The following DOCK9 variants were observed in gnomAD, a reference collection of about 807,000 sequenced individuals.
The protein encoded by DOCK9 is dedicator of cytokinesis 9, also known as dedicator of cytokinesis protein 9.
A neutral mutation model predicts 263.3 loss-of-function variants in DOCK9; 89 were observed. The ratio of observed to expected loss-of-function variants is 0.34; its 90% CI spans 0.28 to 0.40. The LOEUF is 0.40. Ranked by LOEUF, DOCK9 falls within the 10% of genes least tolerant of loss-of-function variation. DOCK9 has a pLI of 1.00. For synonymous variants in DOCK9, 976 were observed against 973.1 expected (o/e 1.00, Z -0.06); for missense variants, 2,140 against 2,603.4 (o/e 0.82, Z 3.87).
At position 98,848,606 on chromosome 13, in the gene DOCK9, C is replaced by T. The variant is rs571258067; in HGVS notation, c.4047G>A (p.Lys1349=). ...VCLHQFQYMG[K]RYIARNQEGL... ...CCCCACAGTACCTGGCTATGTATCG[C>T]TTCCCCATGTACTGGAACTGGTGCA... The change falls in exon 37 of 53, where the codon AAG becomes AAA. Residue 1349 remains lysine, a synonymous_variant. Transcript: ENST00000682017. The T allele has an allele frequency of 3.1e-6, 5 of 1,612,424 alleles. No individual in the cohort carries two copies. The South Asian group carries it at 3.3e-5, about 11-fold the overall frequency.
chr13:98,856,487 G>C (rs2093709459), intron 33 of DOCK9: 1 of 153,556 alleles, frequency 6.5e-6, no homozygotes, highest in African/African-American at 2.4e-5. Context: ...AGTGATATGT[G>C]ACCTCAGCCA....
intron 35 of DOCK9, among the ~76,000 whole-genome samples, chr13:98,851,213 A>C (rs989491903): frequency 4.6e-5 from 7 of 152,254 alleles, no homozygotes; most frequent in Non-Finnish European, 1.0e-4. Flanking sequence ...TCAGAGAAGT[A>C]AAGTAATTCT....
chr13:98,987,291 A>G (rs1445723278), intron 1 of DOCK9, among the ~76,000 whole-genome samples: 3 of 152,206 alleles, frequency 2.0e-5, no homozygotes, highest in African/African-American at 7.2e-5. Flanking sequence ...GTCAACATAA[A>G]ATTTTAAAAA....
rs139518169 is a variant in DOCK9 at position 98,958,312 on chromosome 13, A to T, written c.127-2761T>A. ...GCTCCCTGCCCACCAGCTCCAGCCCACGGCACCTCAGCAAACTTGGCCACC... is the reference window on the plus strand; with the variant it reads ...GCTCCCTGCCCACCAGCTCCAGCCCTCGGCACCTCAGCAAACTTGGCCACC... On this transcript the variant is annotated intron_variant, in intron 1 of 52. Transcript: ENST00000682017. Among the ~76,000 whole-genome samples, 904 of 152,286 alleles carry T rather than the reference A, an allele frequency of 5.9e-3. 11 individuals are homozygous for T. Among genetic ancestry groups the T allele is most frequent in the African/African-American group, 0.021 (861 of 41,566 alleles).
chr13:98,896,575 C>T (rs1595086553), intron 15 of DOCK9, among the ~76,000 whole-genome samples: 1 of 152,136 alleles, frequency 6.6e-6, no homozygotes, highest in African/African-American at 2.4e-5. Flanking sequence ...CATCTTCTAG[C>T]GCCCTCAGCT....
At chr13:98,845,827 A>C (rs756030526) in intron 38 of DOCK9, 97 bp downstream of exon 38, 1 of 1,489,318 alleles carries the variant, frequency 6.7e-7, no homozygotes, top group Non-Finnish European at 9.1e-7. Context: ...TAGAAGAAAA[A>C]TTGAGTTGGT....
At chr13:98,886,737 C>T (rs1322948124) in intron 18 of DOCK9, 113 bp from the exon 19 acceptor site, 1 of 949,840 alleles carries the variant, frequency 1.1e-6, no homozygotes, top group Non-Finnish European at 1.6e-6. Context: ...GCATCGCCAC[C>T]TCTGATGGGC....
chr13:98,915,053 C>A (rs1388438321), intron 8 of DOCK9, among the ~76,000 whole-genome samples: 1 of 152,166 alleles, frequency 6.6e-6, no homozygotes, highest in African/African-American at 2.4e-5. Context: ...CAGGGCTACA[C>A]AGCTGAAATA....
chr13:99,014,584 C>T (rs981434517), intron 1 of DOCK9, among the ~76,000 whole-genome samples: 3 of 152,196 alleles, frequency 2.0e-5, no homozygotes, highest in African/African-American at 4.8e-5. Flanking sequence ...AGATGGTAGC[C>T]TCACCAGCCG....
chr13:99,017,048 G>A (rs149863471), intron 1 of DOCK9, among the ~76,000 whole-genome samples: 291 of 152,272 alleles, frequency 1.9e-3, no homozygotes, highest in African/African-American at 6.4e-3. Context: ...TCTCTCTCCT[G>A]TATTTTTATG....
At chr13:98,997,581 C>A (rs559500491) in intron 1 of DOCK9, among the ~76,000 whole-genome samples, 3 of 152,382 alleles carry the variant, frequency 2.0e-5, no homozygotes, top group Admixed American at 6.5e-5. Context: ...ACCACCCACT[C>A]TTTTGATATC....
chr13:98,886,485 C>A, intron 19 of DOCK9, 47 bp downstream of exon 19: 2 of 1,548,462 alleles, frequency 1.3e-6, no homozygotes, highest in South Asian at 1.1e-5. Flanking sequence ...ATTAAAGTTT[C>A]CCTTAAAACT....
At chr13:98,908,928 C>T (rs1021129706) in intron 9 of DOCK9, among the ~76,000 whole-genome samples, 1 of 152,168 alleles carries the variant, frequency 6.6e-6, no homozygotes, top group Non-Finnish European at 1.5e-5. Context: ...GAAAATACAG[C>T]TATAACAAAT....
At chr13:99,039,684 G>C (rs893798267) in intron 1 of DOCK9, among the ~76,000 whole-genome samples, 6 of 152,198 alleles carry the variant, frequency 3.9e-5, no homozygotes, top group Non-Finnish European at 8.8e-5. Context: ...AAGAGGTGAA[G>C]AGGAGCCCAT....
intron 7 of DOCK9, among the ~76,000 whole-genome samples, chr13:98,917,644 C>CTT (rs1334840163): frequency 1.7e-4 from 20 of 117,478 alleles, no homozygotes; most frequent in Non-Finnish European, 2.2e-4. Flanking sequence ...CTTTTTTTTT[C>CTT]TTTTTTTTTT....
rs978799564 is a variant in DOCK9, at chr13:99,017,881, C to CA, written c.130-62331dup. On this transcript the variant is annotated intron_variant, in intron 1 of 32. Coordinates refer to the DOCK9 transcript ENST00000427887. ...AAGCTTGGTCTAAATGGTCTCACCA[C>CA]AAAAAAATAAAGAAAAAAGGTAACT... Among the ~76,000 whole-genome samples the CA allele has an allele frequency of 4.3e-4, 66 of 151,944 alleles. 1 individual carries two copies. The highest frequency in any genetic ancestry group is 1.5e-3 in the African/African-American group (62 of 41,454).
At chr13:98,987,473 T>C (rs531815083) in intron 1 of DOCK9, among the ~76,000 whole-genome samples, 1 of 152,350 alleles carries the variant, frequency 6.6e-6, no homozygotes, top group East Asian at 1.9e-4. Context: ...AGCTAGGTCT[T>C]AAGCCCTTCT....
At chr13:98,929,948 A>G (rs1332939793) in intron 3 of DOCK9, among the ~76,000 whole-genome samples, 1 of 152,270 alleles carries the variant, frequency 6.6e-6, no homozygotes, top group East Asian at 1.9e-4. Context: ...AAATAAATAA[A>G]GTTTTAAAAA....
At chr13:98,880,045 A>G (rs2044489263) in intron 26 of DOCK9, 76 bp from the exon 27 acceptor site, 2 of 1,150,060 alleles carry the variant, frequency 1.7e-6, no homozygotes, top group East Asian at 4.7e-5. Context: ...TCAGGCTGAC[A>G]ATATTATTGA....
Sources: allele counts gnomAD v4.1 joint callset (sites outside exome capture counted in the v4.1 genomes callset), GRCh38; gene constraint gnomAD v4.1.1; transcripts MANE v1.5; gene names NCBI Gene and HGNC (gene_info 2026-07-23, HGNC 2026-07-21).